The following SIPA1L2 variants were observed in gnomAD, a reference collection of about 807,000 sequenced individuals.
SIPA1L2 encodes the protein signal-induced proliferation-associated 1-like protein 2.
In SIPA1L2, 56 loss-of-function variants were observed where a neutral mutation model predicts 163.9. The ratio of observed to expected loss-of-function variants is 0.34; its 90% CI spans 0.28 to 0.43. SIPA1L2 has a LOEUF of 0.43. SIPA1L2 is among the 20% of genes least tolerant of loss of function. SIPA1L2 has a pLI of 1.00. For missense variants in SIPA1L2, 1,974 were observed against 2,193.5 expected, an observed-to-expected ratio of 0.90 and a Z score of 2.00; for synonymous variants, 877 against 865.7, an observed-to-expected ratio of 1.01 and a Z score of -0.23.
At chr1:232,406,926 T>C (rs1050133762) in intron 19 of SIPA1L2, among the ~76,000 whole-genome samples, 1 of 152,192 alleles carries the variant, frequency 6.6e-6, no homozygotes, top group Non-Finnish European at 1.5e-5. Flanking sequence ...TGTAGCTACA[T>C]GTAGAAAATT....
chr1:232,551,543 C>T (rs148714794), intron 2 of SIPA1L2, among the ~76,000 whole-genome samples: 1 of 152,228 alleles, frequency 6.6e-6, no homozygotes, highest in Non-Finnish European at 1.5e-5. Flanking sequence ...AGCAGTAGTA[C>T]TCCCAAGAAG....
At chr1:232,600,785 G>A (rs1044285496) in intron 1 of SIPA1L2, among the ~76,000 whole-genome samples, 2 of 152,104 alleles carry the variant, frequency 1.3e-5, no homozygotes, top group African/African-American at 2.4e-5. Context: ...GAAGGTGGCA[G>A]TTGCTCCAGG....
intron 19 of SIPA1L2, among the ~76,000 whole-genome samples, chr1:232,404,675 G>C (rs1660539778): frequency 6.6e-6 from 1 of 152,166 alleles, no homozygotes; most frequent in South Asian, 2.1e-4. Flanking sequence ...GAAGGAAAGG[G>C]AATAGAATAG....
chr1:232,450,869 T>C (rs1663534832), intron 10 of SIPA1L2, among the ~76,000 whole-genome samples: 1 of 152,214 alleles, frequency 6.6e-6, no homozygotes, highest in Non-Finnish European at 1.5e-5. Context: ...GAGAGAATGC[T>C]GGCAAAAATC....
intron 1 of SIPA1L2, among the ~76,000 whole-genome samples, chr1:232,629,442 G>A (rs995125383): frequency 3.3e-5 from 5 of 152,232 alleles, no homozygotes; most frequent in Admixed American, 6.5e-5. Context: ...CCTCTAGAAG[G>A]GGAATTAGCC....
Position 232,471,646 on chromosome 1 carries a change from GA to G in SIPA1L2, c.2086-119del, listed in dbSNP as rs549868824. The G allele has an allele frequency of 6.2e-5, 59 of 958,392 alleles. No individual in the cohort carries two copies. The African/African-American group carries it at 9.7e-4, about 16-fold the overall frequency. 59.4% of individuals were successfully genotyped at this position (958,392 alleles called of 1,614,324 possible). A position where few individuals can be genotyped will look rare whatever the true frequency, so the allele number is the denominator to read the frequency against. ...TTTTAAAAAGCACAGTCATTCTTTG[GA>G]AGTCAGTGCTCCTAAATTTGGCATA... On this transcript the variant is annotated intron_variant, in intron 7 of 22. Transcript: ENST00000674635.
chr1:232,455,858 C>T (rs1663881495), intron 10 of SIPA1L2, among the ~76,000 whole-genome samples: 1 of 151,996 alleles, frequency 6.6e-6, no homozygotes, highest in Non-Finnish European at 1.5e-5. Context: ...AACAGAAAAC[C>T]AAATGCTGTC....
intron 1 of SIPA1L2, among the ~76,000 whole-genome samples, chr1:232,602,780 T>C (rs1460425819): frequency 1.3e-5 from 2 of 152,232 alleles, no homozygotes; most frequent in Non-Finnish European, 2.9e-5. Flanking sequence ...CAGAAACTTC[T>C]GCAGTGATGA....
chr1:232,560,757 T>C (rs1658987386), intron 2 of SIPA1L2, among the ~76,000 whole-genome samples: 1 of 152,198 alleles, frequency 6.6e-6, no homozygotes, highest in African/African-American at 2.4e-5. Flanking sequence ...TAAGTGCATA[T>C]AATTTCTCAC....
chr1:232,472,530 C>T (rs1664851188), intron 7 of SIPA1L2, among the ~76,000 whole-genome samples: 1 of 152,186 alleles, frequency 6.6e-6, no homozygotes. Flanking sequence ...CACTTCTTTC[C>T]TATGAACACA....
At chr1:232,517,980 G>A (rs568697735) in intron 2 of SIPA1L2, among the ~76,000 whole-genome samples, 85 of 152,260 alleles carry the variant, frequency 5.6e-4, no homozygotes, top group African/African-American at 1.9e-3. Context: ...CCAGGAATTA[G>A]AGGTAGCGGT....
Position 232,403,478 on chromosome 1 carries a change from C to G in SIPA1L2, c.4910G>C (p.Gly1637Ala). The change falls in exon 21 of 23, where the codon GGC becomes GCC. Residue 1637 changes from glycine to alanine, a missense_variant. By Grantham distance (60) the Gly-to-Ala change is moderately conservative (BLOSUM62 0). Coordinates refer to ENST00000674635, the MANE Select transcript of SIPA1L2 (RefSeq NM_020808.5). Reference protein sequence around the residue: ...AQELPLCVDPGSGKEFMDTTG... With the variant: ...AQELPLCVDPASGKEFMDTTG... ...TGTGTCCATGAACTCTTTGCCACTG[C>G]CTGGATCTACACATAAGGGCAGCTC... The G allele has an allele frequency of 6.2e-7, 1 of 1,613,934 alleles. No homozygotes were observed. The highest frequency in any genetic ancestry group is 8.5e-7 in the Non-Finnish European group (1 of 1,179,918).
At chr1:232,433,066 A>G (rs1662344654) in intron 15 of SIPA1L2, among the ~76,000 whole-genome samples, 1 of 152,214 alleles carries the variant, frequency 6.6e-6, no homozygotes, top group Non-Finnish European at 1.5e-5. Flanking sequence ...CACACACAGC[A>G]AACCCCTGCT....
intron 10 of SIPA1L2, among the ~76,000 whole-genome samples, chr1:232,448,954 C>G (rs1023207212): frequency 6.6e-6 from 1 of 151,940 alleles, no homozygotes; most frequent in African/African-American, 2.4e-5. Context: ...AAATGACAAG[C>G]CTAAGGCAGA....
chr1:232,437,692 C>T (rs1003492905), intron 15 of SIPA1L2, among the ~76,000 whole-genome samples: 1 of 152,158 alleles, frequency 6.6e-6, no homozygotes, highest in Non-Finnish European at 1.5e-5. Flanking sequence ...GACGATGCTA[C>T]CCCCTAACCA....
intron 10 of SIPA1L2, among the ~76,000 whole-genome samples, chr1:232,447,376 C>T (rs1353772469): frequency 2.6e-5 from 4 of 152,238 alleles, no homozygotes; most frequent in East Asian, 1.9e-4. Context: ...GCTCCAGCCC[C>T]GCCTCCTGGC....
chr1:232,601,482 C>G (rs919973413), intron 1 of SIPA1L2, among the ~76,000 whole-genome samples: 3 of 152,194 alleles, frequency 2.0e-5, no homozygotes, highest in African/African-American at 7.2e-5. Flanking sequence ...AAGGATAACT[C>G]AAAACACTGA....
chr1:232,582,534 C>T (rs1009893240), intron 1 of SIPA1L2, among the ~76,000 whole-genome samples: 5 of 152,176 alleles, frequency 3.3e-5, no homozygotes, highest in African/African-American at 1.2e-4. Context: ...ATATATACCA[C>T]ATTTTCTTTA....
At chr1:232,499,671 C>G (rs1558225403) in intron 3 of SIPA1L2, among the ~76,000 whole-genome samples, 2 of 152,344 alleles carry the variant, frequency 1.3e-5, no homozygotes, top group Admixed American at 1.3e-4. Flanking sequence ...GGTAAGACAA[C>G]AGATGACAGT....
Sources: gnomAD v4.1 joint callset for allele counts (sites outside exome capture counted in the v4.1 genomes callset) on GRCh38, gnomAD v4.1.1 for gene constraint, MANE v1.5 for transcripts, NCBI Gene and HGNC (gene_info 2026-07-23, HGNC 2026-07-21) for gene names.